EPM2A: variants seen among roughly 807,000 people sequenced by gnomAD.
EPM2A encodes laforin.
Under a neutral mutation model 26.5 loss-of-function variants are expected in EPM2A, and 21 were observed. The ratio of observed to expected loss-of-function variants is 0.79; its 90% confidence interval spans 0.56 to 1.14. The LOEUF is 1.14. EPM2A is among the 50% of genes most tolerant of loss of function. The pLI is 0.00. For synonymous variants in EPM2A, 217 were observed against 177.6 expected (o/e 1.22, Z -1.76); for missense variants, 458 against 440.8 (o/e 1.04, Z -0.35).
At chr6:145,588,739 T>C (rs925247648) in intron 2 of EPM2A, among the ~76,000 whole-genome samples, 5 of 152,220 alleles carry the variant, frequency 3.3e-5, no homozygotes, top group African/African-American at 1.2e-4. Flanking sequence ...GATTAAAGTA[T>C]AGTTTGTGAC....
At chr6:145,456,282 C>T (rs1164376042) in intron 4 of EPM2A, among the ~76,000 whole-genome samples, 1 of 152,024 alleles carries the variant, frequency 6.6e-6, no homozygotes, top group East Asian at 1.9e-4. Flanking sequence ...TGGTAGTTAC[C>T]CTAACCTTAA....
chr6:145,594,227 T>C (rs1404515710), intron 2 of EPM2A, among the ~76,000 whole-genome samples: 1 of 151,870 alleles, frequency 6.6e-6, no homozygotes, highest in Non-Finnish European at 1.5e-5. Context: ...AAATGGATAT[T>C]CTGAATATCC....
intron 2 of EPM2A, among the ~76,000 whole-genome samples, chr6:145,680,353 C>T (rs1049348685): frequency 8.3e-5 from 12 of 144,070 alleles, no homozygotes; most frequent in Admixed American, 1.4e-4. Flanking sequence ...TTTTTTTCTG[C>T]GTAAGTTTCA....
chr6:145,526,807 T>C (rs1479014092), intron 2 of EPM2A, among the ~76,000 whole-genome samples: 1 of 152,144 alleles, frequency 6.6e-6, no homozygotes, highest in African/African-American at 2.4e-5. Context: ...TTTAGTTCTT[T>C]CTTTTCATCT....
intron 2 of EPM2A, among the ~76,000 whole-genome samples, chr6:145,597,469 TTTTTTTTC>T (rs1781362115): frequency 6.9e-6 from 1 of 145,364 alleles, no homozygotes; most frequent in Admixed American, 6.8e-5. Context: ...ACCTGTTTAT[TTTTTTTTC>T]TTTTTTTTGG....
chr6:145,446,649 T>TTC (rs1328848166), intron 4 of EPM2A, among the ~76,000 whole-genome samples: 4 of 151,900 alleles, frequency 2.6e-5, no homozygotes, highest in African/African-American at 7.3e-5. Context: ...GATTACTTTT[T>TTC]TCTCTCTCTC....
At chr6:145,664,889 T>C (rs1779046503) in intron 2 of EPM2A, among the ~76,000 whole-genome samples, 1 of 150,342 alleles carries the variant, frequency 6.7e-6, no homozygotes, top group Non-Finnish European at 1.5e-5. Context: ...ACATGGAAAC[T>C]GAACAACCTG....
intron 1 of EPM2A, 89 bp from the exon 2 acceptor site, chr6:145,686,385 GA>G (rs1197687772): frequency 1.5e-5 from 15 of 1,030,450 alleles, no homozygotes; most frequent in Non-Finnish European, 1.9e-5. Context: ...TTAATAGCAA[GA>G]AAAAAATAAA....
chr6:145,654,289 C>A (rs1243373503), intron 2 of EPM2A, among the ~76,000 whole-genome samples: 2 of 151,674 alleles, frequency 1.3e-5, no homozygotes, highest in Non-Finnish European at 1.5e-5. Context: ...TCAAGCAATT[C>A]TCCTGCCTCA....
rs538775026 is a variant in EPM2A, at chr6:145,661,045, A to G, written c.476+25077T>C. Among the ~76,000 whole-genome samples, 3 of 152,250 alleles carry G rather than the reference A, an allele frequency of 2.0e-5. No homozygotes were observed. The South Asian group carries it at 6.2e-4, about 32-fold the overall frequency. On this transcript the variant is annotated intron_variant, in intron 2 of 3. Transcript: ENST00000367519. ...AAAAGACAGAGAAGGTTAGAGAGGG[A>G]GACAGGGCACAGCAACAGAGGCCCT...
At chr6:145,418,378 T>A (rs1778736801) in intron 4 of EPM2A, among the ~76,000 whole-genome samples, 1 of 152,160 alleles carries the variant, frequency 6.6e-6, no homozygotes, top group South Asian at 2.1e-4. Flanking sequence ...GTGTGCTTCA[T>A]CCCAACTGCT....
intron 2 of EPM2A, among the ~76,000 whole-genome samples, chr6:145,617,846 G>A (rs1351572425): frequency 6.6e-6 from 1 of 152,178 alleles, no homozygotes. Flanking sequence ...AGAAGCTGAG[G>A]TGGGAGGCTC....
At chr6:145,682,752 A>T (rs1019159860) in intron 2 of EPM2A, 1 of 152,176 alleles carries the variant, frequency 6.6e-6, no homozygotes, top group Non-Finnish European at 1.5e-5. Flanking sequence ...TATATGTTCT[A>T]AAAAGCCTCA....
At chr6:145,568,903 G>A (rs1780919738) in intron 2 of EPM2A, among the ~76,000 whole-genome samples, 2 of 152,156 alleles carry the variant, frequency 1.3e-5, no homozygotes, top group Non-Finnish European at 2.9e-5. Context: ...CTTCCCTGTA[G>A]GGTGTTCAAG....
intron 4 of EPM2A, among the ~76,000 whole-genome samples, chr6:145,440,132 A>G (rs1037352995): frequency 6.6e-6 from 1 of 152,226 alleles, no homozygotes; most frequent in Non-Finnish European, 1.5e-5. Context: ...AAAGAAAAAT[A>G]GGTTTAATGT....
chr6:145,493,371 C>CT (rs1345961732), intron 4 of EPM2A, among the ~76,000 whole-genome samples: 3 of 152,206 alleles, frequency 2.0e-5, no homozygotes, highest in African/African-American at 7.2e-5. Flanking sequence ...TGCTTATCAA[C>CT]TTAAGAAGCT....
chr6:145,732,538 A>G (rs1776552352), intron 1 of EPM2A, among the ~76,000 whole-genome samples: 1 of 152,110 alleles, frequency 6.6e-6, no homozygotes, highest in Admixed American at 6.5e-5. Flanking sequence ...TTCATCAAGT[A>G]GTGCAATTAA....
intron 2 of EPM2A, among the ~76,000 whole-genome samples, chr6:145,595,463 T>A (rs561311590): frequency 5.9e-4 from 85 of 144,622 alleles, no homozygotes; most frequent in African/African-American, 2.2e-3. Context: ...TTTAATTTAA[T>A]CAAATTCTCA....
At chr6:145,493,601 T>G (rs182673377) in intron 4 of EPM2A, among the ~76,000 whole-genome samples, 7 of 152,340 alleles carry the variant, frequency 4.6e-5, no homozygotes, top group African/African-American at 1.7e-4. Context: ...TTTTGCCCAT[T>G]CAGTGTGACG....
Sources: allele counts gnomAD v4.1 joint callset (sites outside exome capture counted in the v4.1 genomes callset), GRCh38; gene constraint gnomAD v4.1.1; transcripts MANE v1.5; gene names NCBI Gene and HGNC (gene_info 2026-07-23, HGNC 2026-07-21).